Variants in VPS33B observed in about 807,000 individuals in gnomAD.
VPS33B encodes VPS33B late endosome and lysosome associated.
Under a neutral mutation model 95.3 loss-of-function variants are expected in VPS33B, and 80 were observed. That is an observed-to-expected ratio of 0.84 (90% confidence interval 0.70 to 1.01). The LOEUF is 1.01. VPS33B is among the 50% of genes least tolerant of loss of function. The probability of loss-of-function intolerance (pLI) is 0.00; values close to 1 mark genes in which losing one functional copy is unlikely to be tolerated. For synonymous variants in VPS33B, 280 were observed against 280.4 expected (o/e 1.00, Z 0.01); for missense variants, 715 against 773.4 (o/e 0.92, Z 0.90).
rs2040623177 is a variant in VPS33B, at chr15:91,006,862, CTT to C, written c.700+86_700+87del. The C allele has an allele frequency of 8.1e-6, 13 of 1,600,180 alleles. No homozygotes were observed. In the South Asian group the frequency reaches 1.4e-4, roughly 18 times the overall value. The stretch of plus-strand genomic sequence containing the variant: ...TCAAAGCTGGGATTCACAGCCCTAA[CTT>C]TAGGATTTTAACTTTGCCACCACGC... On this transcript the variant is annotated intron_variant, in intron 9 of 22. Transcript: ENST00000333371. The surrounding 1 kb of genome is among the most constrained non-coding windows in gnomAD (Gnocchi z 5.4).
At position 91,002,113 on chromosome 15, in the gene VPS33B, G is replaced by C; in HGVS notation, c.1342C>G (p.Pro448Ala). The C allele has an allele frequency of 6.2e-7, 1 of 1,614,164 alleles. No homozygotes were observed. Among genetic ancestry groups the C allele is most frequent in the Non-Finnish European group, 8.5e-7 (1 of 1,180,034 alleles). ...TCCACGGCTGTGAGGGTGTCCCCGG[G>C]GGCCTGCTCCGTTAGGAGCCCAGCT... ...RRAGLLTEQA[P>A]GDTLTAVESK... The change falls in exon 18 of 23, where the codon CCC (proline) becomes GCC (alanine). Residue 448 changes from proline (P) to alanine (A), a missense_variant. Transcript: ENST00000333371. This position sits in a 1 kb window ranked among gnomAD's most constrained non-coding sequence, Gnocchi z 4.7.
At chr15:91,014,703 A>C (rs2040875483) in intron 3 of VPS33B, among the ~76,000 whole-genome samples, 1 of 152,220 alleles carries the variant, frequency 6.6e-6, no homozygotes, top group African/African-American at 2.4e-5. Context: ...CCAGTGGGCA[A>C]AAAAAGATGC....
Position 91,005,392 on chromosome 15 carries a change from T to G in VPS33B, c.1093A>C (p.Lys365Gln), listed in dbSNP as rs759555498. Residue 365 changes from lysine (K) to glutamine (Q), a missense_variant, in exon 14 of 23, where the codon AAG becomes CAG. Coordinates refer to ENST00000333371, the MANE Select transcript of VPS33B (RefSeq NM_018668.5). This position sits in a 1 kb window ranked among gnomAD's most constrained non-coding sequence, Gnocchi z 6.4. ...KTKQDFQELI[K>Q]TEHALLEGFN... Reference sequence around the variant, plus strand: ...CTGCGGCAGTTACCATGCTCAGTCTTGATTAGCTCCTGGAAATCCTGCTTG... The same window carrying G: ...CTGCGGCAGTTACCATGCTCAGTCTGGATTAGCTCCTGGAAATCCTGCTTG... The G allele has an allele frequency of 1.9e-6, 3 of 1,614,172 alleles. No homozygotes were observed. Among genetic ancestry groups the G allele is most frequent in the Non-Finnish European group, 2.5e-6 (3 of 1,180,032 alleles).
At chr15:91,017,978 T>A in intron 1 of VPS33B, 93 bp from the exon 2 acceptor site, 1 of 1,158,332 alleles carries the variant, frequency 8.6e-7, no homozygotes, top group Non-Finnish European at 1.3e-6. Flanking sequence ...AGAAACAGTC[T>A]CTGAGGTGGG....
In VPS33B at chr15:91,002,526, G is replaced by C. The variant is rs1186486552; in HGVS notation, c.1273-344C>G. Among the ~76,000 whole-genome samples the C allele has an allele frequency of 6.6e-6, 1 of 151,836 alleles. No homozygotes were observed. Among genetic ancestry groups the C allele is most frequent in the Non-Finnish European group, 1.5e-5 (1 of 67,968 alleles). On this transcript the variant is annotated intron_variant, in intron 17 of 22. Coordinates refer to ENST00000333371, the MANE Select transcript of VPS33B (RefSeq NM_018668.5). The surrounding 1 kb of genome is among the most constrained non-coding windows in gnomAD (Gnocchi z 4.7). ...CGTGCCTGTAGTCTCAGCTCCTCAG[G>C]AGGCTGAGGCACAGAAATGCTTGAA...
In VPS33B at chr15:90,999,180, A is replaced by C. The variant is rs1023625078; in HGVS notation, c.1775-126T>G. 8.2e-5 allele frequency: 71 copies of C among 861,528 alleles called. No individual in the cohort carries two copies. The highest frequency in any genetic ancestry group is 1.3e-4 in the Non-Finnish European group (67 of 521,714). 53.4% of individuals were successfully genotyped at this position (861,528 alleles called of 1,614,324 possible). On this transcript the variant is annotated intron_variant, in intron 22 of 22. Transcript: ENST00000333371. This position sits in a 1 kb window ranked among gnomAD's most constrained non-coding sequence, Gnocchi z 5.1. ...GCACCAGTTTATAGACAGAGACGTGAGTGCCATGCTCTTGGGCACCACTGC... is the reference window on the plus strand; with the variant it reads ...GCACCAGTTTATAGACAGAGACGTGCGTGCCATGCTCTTGGGCACCACTGC...
chr15:91,001,571 C>T (rs750675959), intron 18 of VPS33B, 109 bp from the exon 19 acceptor site: 189 of 908,422 alleles, frequency 2.1e-4, no homozygotes, highest in East Asian at 9.1e-4. Context: ...CAAAAACTCT[C>T]GGAAGCTGTT....
Position 91,009,697 on chromosome 15 carries a change from G to C in VPS33B, c.403+104C>G. The C allele has an allele frequency of 8.6e-7, 1 of 1,164,884 alleles. No individual in the cohort carries two copies. The highest frequency in any genetic ancestry group is 2.4e-5 in the Admixed American group (1 of 42,492). The allele number at this position is 1,164,884 out of a possible 1,614,324, so 72.2% of individuals were successfully genotyped here. On this transcript the variant is annotated intron_variant, in intron 6 of 22. Transcript: ENST00000333371. The surrounding 1 kb of genome is among the most constrained non-coding windows in gnomAD (Gnocchi z 4.1). ...ACTAACAGGAATAAGACCAGGAAAAGAAGGAGCTGGTGGTGGGGGTGGGGT... is the reference window on the plus strand; with the variant it reads ...ACTAACAGGAATAAGACCAGGAAAACAAGGAGCTGGTGGTGGGGGTGGGGT...
Position 91,001,967 on chromosome 15 carries a change from C to G in VPS33B, c.1405+83G>C, listed in dbSNP as rs2040450467. 2.5e-6 allele frequency: 4 copies of G among 1,604,422 alleles called. No homozygotes were observed. The Admixed American group carries it at 6.7e-5, about 27-fold the overall frequency. Reference sequence around the variant, plus strand: ...AGGAATCAGTCCACCTTCTCCAATTCATTCTGTCCCTCCCAGCATGCTGCG... The same window carrying G: ...AGGAATCAGTCCACCTTCTCCAATTGATTCTGTCCCTCCCAGCATGCTGCG... On this transcript the variant is annotated intron_variant, in intron 18 of 22. Coordinates refer to ENST00000333371, the MANE Select transcript of VPS33B (RefSeq NM_018668.5).
At position 91,011,805 on chromosome 15, in the gene VPS33B, T is replaced by C. The variant is rs897404540; in HGVS notation, c.358-1959A>G. Among the ~76,000 whole-genome samples, 3 of 152,110 alleles carry C rather than the reference T, an allele frequency of 2.0e-5. No individual in the cohort carries two copies. In the South Asian group the frequency reaches 6.2e-4, roughly 32 times the overall value. On this transcript the variant is annotated intron_variant, in intron 5 of 22. Transcript: ENST00000333371. The surrounding 1 kb of genome is among the most constrained non-coding windows in gnomAD (Gnocchi z 5.5). ...GAATTTGAGACCAGCTTGGGCAATA[T>C]GGCAAAACCCCACCTCTTTTAAAAA... is the stretch of plus-strand genomic sequence containing the variant.
intron 1 of VPS33B, among the ~76,000 whole-genome samples, chr15:91,020,583 G>A (rs1008593815): frequency 6.6e-6 from 1 of 152,128 alleles, no homozygotes; most frequent in African/African-American, 2.4e-5. Flanking sequence ...CAAGCACTAA[G>A]TATTAAAGAG....
At position 91,007,984 on chromosome 15, in the gene VPS33B, C is replaced by T. The variant is rs759113139; in HGVS notation, c.404-20G>A. ...TCACATCTGTGGGGACAGAGAGCAT[C>T]AGCCTCCCTGCAGAAGGTACTTAGC... On this transcript the variant is annotated intron_variant, in intron 6 of 22. Coordinates refer to ENST00000333371, the MANE Select transcript of VPS33B (RefSeq NM_018668.5). This position sits in a 1 kb window ranked among gnomAD's most constrained non-coding sequence, Gnocchi z 5.3. The T allele has an allele frequency of 2.8e-5, 45 of 1,612,380 alleles. No homozygotes were observed. In the South Asian group the frequency reaches 4.9e-4, roughly 18 times the overall value.
chr15:91,011,978 T>G lies in VPS33B; in HGVS notation c.357+1826A>C, dbSNP rs1311536123. 6.7e-6 allele frequency among the ~76,000 whole-genome samples: 1 copy of G among 148,228 alleles called. No individual in the cohort carries two copies. The highest frequency in any genetic ancestry group is 6.8e-5 in the Admixed American group (1 of 14,624). On this transcript the variant is annotated intron_variant, in intron 5 of 22. Coordinates refer to ENST00000333371, the MANE Select transcript of VPS33B (RefSeq NM_018668.5). This position sits in a 1 kb window ranked among gnomAD's most constrained non-coding sequence, Gnocchi z 5.5. ...CACTCCAGTCTGGGTGACAGAGCAA[T>G]GCACTGTCTCCAAAAACAAAACAAA...
At chr15:90,998,652 G>A (rs142010646), downstream of VPS33B, 13 of 400,942 alleles carry the variant, frequency 3.2e-5, no homozygotes, top group East Asian at 3.5e-4. The surrounding 1 kb of genome is among the most constrained non-coding windows in gnomAD (Gnocchi z 4.8). Flanking sequence ...ATGGAAGTGC[G>A]TGTCCAGAAC....
At position 91,005,412 on chromosome 15, in the gene VPS33B, T is replaced by A. The variant is rs1385482567; in HGVS notation, c.1073A>T (p.Gln358Leu). 21 of 1,614,156 alleles carry A rather than the reference T, an allele frequency of 1.3e-5. No homozygotes were observed. The East Asian group carries it at 4.7e-4, about 36-fold the overall frequency. ...CESIMKKKTK[Q>L]DFQELIKTEH... ...AGTCTTGATTAGCTCCTGGAAATCCTGCTTGGTTTTCTTCTTCATGATGGA... is the reference window on the plus strand; with the variant it reads ...AGTCTTGATTAGCTCCTGGAAATCCAGCTTGGTTTTCTTCTTCATGATGGA... The change falls in exon 14 of 23, where the codon CAG becomes CTG. Residue 358 changes from glutamine to leucine, a missense_variant. Physicochemically the swap from Gln to Leu is moderately radical, Grantham distance 113 (BLOSUM62 -2). Transcript: ENST00000333371. The surrounding 1 kb of genome is among the most constrained non-coding windows in gnomAD (Gnocchi z 6.4).
rs770371554 is a variant in VPS33B, at chr15:91,002,197, A to G, written c.1273-15T>C. On this transcript the variant is annotated splice_polypyrimidine_tract_variant and intron_variant, in intron 17 of 22. Transcript: ENST00000333371. This position sits in a 1 kb window ranked among gnomAD's most constrained non-coding sequence, Gnocchi z 4.7. ...GGGCCATAGCTCTGAAGAAGATGCA[A>G]TTAGACTATTTACTGAGTGTCCAAA... The G allele has an allele frequency of 1.9e-6, 3 of 1,613,948 alleles. No homozygotes were observed. The highest frequency in any genetic ancestry group is 1.7e-6 in the Non-Finnish European group (2 of 1,179,974).
At position 91,005,117 on chromosome 15, in the gene VPS33B, G is replaced by T; in HGVS notation, c.1108C>A (p.Leu370Met). The change falls in exon 15 of 23, where the codon CTG becomes ATG. Residue 370 changes from leucine to methionine, a missense_variant and splice_region_variant. By Grantham distance (15) the Leu-to-Met change is conservative. Coordinates refer to ENST00000333371, the MANE Select transcript of VPS33B (RefSeq NM_018668.5). This position sits in a 1 kb window ranked among gnomAD's most constrained non-coding sequence, Gnocchi z 6.4. Reference protein sequence around the residue: ...FQELIKTEHALLEGFNIREST... With the variant: ...FQELIKTEHAMLEGFNIREST... The stretch of plus-strand genomic sequence containing the variant: ...TCCCGGATGTTGAACCCCTCTAGCA[G>T]TGCTGTGAGTAATCAGAGGAGAGCC... The T allele has an allele frequency of 6.2e-7, 1 of 1,614,174 alleles. No homozygotes were observed. Among genetic ancestry groups the T allele is most frequent in the Non-Finnish European group, 8.5e-7 (1 of 1,180,044 alleles).
Position 91,007,104 on chromosome 15 carries a change from C to A in VPS33B, c.604-58G>T. ...TCCAGGTCCCTACTGCAGCCCCATA[C>A]CTACAGAAGTCAGCCCTTTCCACGT... On this transcript the variant is annotated intron_variant, in intron 8 of 22. Coordinates refer to ENST00000333371, the MANE Select transcript of VPS33B (RefSeq NM_018668.5). This position sits in a 1 kb window ranked among gnomAD's most constrained non-coding sequence, Gnocchi z 5.3. The A allele has an allele frequency of 6.3e-7, 1 of 1,580,662 alleles. No homozygotes were observed. Among genetic ancestry groups the A allele is most frequent in the Non-Finnish European group, 8.6e-7 (1 of 1,161,278 alleles).
In VPS33B at chr15:91,000,412, A is replaced by C. The variant is rs1443584487; in HGVS notation, c.1581+78T>G. On this transcript the variant is annotated intron_variant, in intron 20 of 22. Transcript: ENST00000333371. The surrounding 1 kb of genome is among the most constrained non-coding windows in gnomAD (Gnocchi z 4.9). ...ACTCCATCTCAAATAAAAAAAAAAAAACATTGAGACACGCCAGGGACCAAG... is the reference window on the plus strand; with the variant it reads ...ACTCCATCTCAAATAAAAAAAAAAACACATTGAGACACGCCAGGGACCAAG... The C allele has an allele frequency of 1.5e-6, 2 of 1,369,782 alleles. No individual in the cohort carries two copies. Among genetic ancestry groups the C allele is most frequent in the African/African-American group, 1.5e-5 (1 of 68,398 alleles). The allele number at this position is 1,369,782 out of a possible 1,614,324, so 84.9% of individuals were successfully genotyped here.
Sources: gnomAD v4.1 joint callset for allele counts (sites outside exome capture counted in the v4.1 genomes callset) on GRCh38, gnomAD v4.1.1 for gene constraint, Gnocchi (gnomAD v3.1) non-coding constraint, MANE v1.5 for transcripts, NCBI Gene and HGNC (gene_info 2026-07-23, HGNC 2026-07-21) for gene names.